The following SLC9A6 variants were observed in gnomAD, a reference collection of about 807,000 sequenced individuals.
The protein encoded by SLC9A6 is solute carrier family 9 member A6.
SLC9A6 carries 6 observed loss-of-function variants against 45.3 expected under a neutral mutation model. The ratio of observed to expected loss-of-function variants is 0.13; its 90% confidence interval spans 0.07 to 0.26. The LOEUF is 0.26. Among genes scored for constraint, SLC9A6 ranks in the 10% least tolerant of loss-of-function variants. The pLI is 1.00. For synonymous variants in SLC9A6, 191 were observed against 187.7 expected, an observed-to-expected ratio of 1.02 and a Z score of -0.14; for missense variants, 278 against 503.7, an observed-to-expected ratio of 0.55 and a Z score of 4.29.
chrX:136,014,912 C>T (rs188346275), intron 10 of SLC9A6, among the ~76,000 whole-genome samples: 160 of 112,740 alleles, frequency 1.4e-3, no homozygotes, highest in Non-Finnish European at 2.2e-3. Flanking sequence ...TCATAGAAGA[C>T]ATCAGAGAAG....
rs376479501 is a variant in SLC9A6 at position 136,016,627 on chromosome X, T to C, written c.1081-18T>C. On this transcript the variant is annotated intron_variant, in intron 10 of 17. Coordinates refer to ENST00000630721, the MANE Select transcript of SLC9A6 (RefSeq NM_001379110.1). ...GTAACTTTATTTGCTGGACTAATCT[T>C]TTACAATTTCGTTTCAGTTGTTTGA... 10 of 896,231 alleles carry C rather than the reference T, an allele frequency of 1.1e-5. 1 individual carries two copies. In the African/African-American group the frequency reaches 1.9e-4, roughly 17 times the overall value. 73.9% of individuals were successfully genotyped at this position (896,231 alleles called of 1,213,427 possible). A position where few individuals can be genotyped will look rare whatever the true frequency, so the allele number is the denominator to read the frequency against.
intron 1 of SLC9A6, 50 bp downstream of exon 1, chrX:135,985,527 G>A: frequency 8.8e-7 from 1 of 1,132,966 alleles, no homozygotes. Flanking sequence ...CTGGCGGCGG[G>A]CACCCCTCCG....
At chrX:135,985,262 G>C (rs782240391), upstream of SLC9A6, 27 of 281,123 alleles carry the variant, frequency 9.6e-5, no homozygotes, top group African/African-American at 7.6e-4. Context: ...GCCAAAGGCA[G>C]TGGGCTAGTT....
upstream of SLC9A6, among the ~76,000 whole-genome samples, chrX:135,980,209 A>G (rs921931118): frequency 3.8e-4 from 27 of 70,950 alleles, no homozygotes; most frequent in African/African-American, 1.1e-3. Flanking sequence ...CTGTCCCCCA[A>G]TACATGATTT....
intron 1 of SLC9A6, among the ~76,000 whole-genome samples, chrX:135,979,503 A>C (rs1556613708): frequency 2.7e-5 from 3 of 111,467 alleles, no homozygotes; most frequent in Non-Finnish European, 5.7e-5. Context: ...TCTGACTCCC[A>C]CATTAATGCT....
At chrX:136,038,372 T>C (rs1556622019) in intron 16 of SLC9A6, among the ~76,000 whole-genome samples, 1 of 112,412 alleles carries the variant, frequency 8.9e-6, no homozygotes. Context: ...AAACTAGTCT[T>C]GCATTGCTGG....
At position 136,024,336 on chromosome X, in the gene SLC9A6, G is replaced by A. The variant is rs2148189865; in HGVS notation, c.1313G>A (p.Arg438His). ...FQHMMMFAGLRGAMAFALAIR... is the reference protein window; with the variant it reads ...FQHMMMFAGLHGAMAFALAIR... Reference sequence around the variant, plus strand: ...CTTTTCTGTTCCCCTGTAGGCCTTCGTGGTGCAATGGCATTTGCCTTGGCC... The same window carrying A: ...CTTTTCTGTTCCCCTGTAGGCCTTCATGGTGCAATGGCATTTGCCTTGGCC... The change falls in exon 13 of 18, where the codon CGT becomes CAT. Residue 438 changes from arginine to histidine, a missense_variant. Physicochemically the swap from Arg to His is conservative, Grantham distance 29. This residue lies in a region of SLC9A6 where 15 missense variants were observed against 58.1 expected (regional missense o/e 0.26). Transcript: ENST00000630721. 1 of 1,211,077 alleles carries A rather than the reference G, an allele frequency of 8.3e-7. No homozygotes were observed. Among genetic ancestry groups the A allele is most frequent in the Non-Finnish European group, 1.1e-6 (1 of 895,095 alleles).
intron 1 of SLC9A6, among the ~76,000 whole-genome samples, chrX:135,979,716 AGAT>A (rs1315109981): frequency 8.9e-6 from 1 of 112,383 alleles, no homozygotes; most frequent in East Asian, 2.8e-4. Context: ...CTCTTCAGCA[AGAT>A]GACCTTTATA....
chrX:136,046,732 C>T lies in SLC9A6; in HGVS notation c.*2008C>T, dbSNP rs781938761. ...ACCAAGCCTGCTGTGCTTACATCAGCATCTGGAAGACTTTCCTCTCCTCTA... is the reference window on the plus strand; with the variant it reads ...ACCAAGCCTGCTGTGCTTACATCAGTATCTGGAAGACTTTCCTCTCCTCTA... On this transcript the variant is annotated 3_prime_UTR_variant, in exon 18 of 18. Transcript: ENST00000630721. 6.8e-4 allele frequency: 76 copies of T among 112,428 alleles called. No homozygotes were observed. Among genetic ancestry groups the T allele is most frequent in the African/African-American group, 2.4e-3 (74 of 30,870 alleles). The allele number at this position is 112,428 out of a possible 1,213,427, so 9.3% of individuals were successfully genotyped here.
At chrX:136,014,474 AC>A (rs2148176083) in intron 10 of SLC9A6, among the ~76,000 whole-genome samples, 1 of 112,887 alleles carries the variant, frequency 8.9e-6, no homozygotes, top group South Asian at 3.6e-4. Context: ...GGAATAAAAA[AC>A]AAGAACAGGC....
At chrX:136,033,331 A>G in intron 15 of SLC9A6, 83 bp from the exon 16 acceptor site, 2 of 601,291 alleles carry the variant, frequency 3.3e-6, no homozygotes, top group Non-Finnish European at 5.4e-6. Context: ...AGTAGCCTCT[A>G]TTTCTGATTC....
intron 11 of SLC9A6, among the ~76,000 whole-genome samples, chrX:136,022,195 A>C (rs2071138795): frequency 8.9e-6 from 1 of 112,050 alleles, no homozygotes. Flanking sequence ...CTATTCTATT[A>C]ATAATCTTAA....
intron 11 of SLC9A6, among the ~76,000 whole-genome samples, chrX:136,022,184 C>T (rs1290294236): frequency 3.6e-5 from 4 of 111,766 alleles, no homozygotes; most frequent in African/African-American, 6.5e-5. Context: ...AGTGAATTAA[C>T]CTATTCTATT....
chrX:135,982,066 T>G (rs1251625457), upstream of SLC9A6, among the ~76,000 whole-genome samples: 1 of 112,006 alleles, frequency 8.9e-6, no homozygotes, highest in Non-Finnish European at 1.9e-5. Context: ...CACAAAATAT[T>G]CTTTAATTCT....
chrX:135,985,385 G>A, upstream of SLC9A6: 2 of 424,951 alleles, frequency 4.7e-6, no homozygotes, highest in East Asian at 9.7e-5. Flanking sequence ...AAGAGCGGCG[G>A]CGGCGGCGCG....
intron 2 of SLC9A6, among the ~76,000 whole-genome samples, chrX:135,993,686 G>A (rs1194518711): frequency 2.7e-5 from 3 of 110,793 alleles, no homozygotes; most frequent in Non-Finnish European, 5.7e-5. Flanking sequence ...AGCTACTTGG[G>A]AGGCTGAGGC....
intron 10 of SLC9A6, among the ~76,000 whole-genome samples, chrX:136,014,535 C>T (rs782245445): frequency 8.9e-6 from 1 of 112,843 alleles, no homozygotes; most frequent in Non-Finnish European, 1.9e-5. Context: ...GAGGCCAAAG[C>T]GGGCGGATCA....
intron 3 of SLC9A6, among the ~76,000 whole-genome samples, chrX:135,996,388 G>A (rs2089497317): frequency 9.0e-6 from 1 of 111,194 alleles, no homozygotes; most frequent in Non-Finnish European, 1.9e-5. Context: ...TGAACTTGAG[G>A]TTTACCTTGC....
chrX:136,000,212 C>T (rs1556617180), intron 6 of SLC9A6, among the ~76,000 whole-genome samples: 3 of 89,036 alleles, frequency 3.4e-5, no homozygotes, highest in Non-Finnish European at 6.2e-5. Context: ...AGTGAGGCTG[C>T]AGTCTCATTC....
Sources: gnomAD v4.1 joint callset for allele counts (sites outside exome capture counted in the v4.1 genomes callset) on GRCh38, gnomAD v4.1.1 for gene constraint, gnomAD v4.1.1 regional missense constraint, MANE v1.5 for transcripts, NCBI Gene and HGNC (gene_info 2026-07-23, HGNC 2026-07-21) for gene names.